Variants in SMYD3 observed in about 807,000 individuals in gnomAD.
SMYD3 encodes SET and MYND domain containing 3, also known as histone-lysine N-methyltransferase SMYD3.
SMYD3 carries 36 observed loss-of-function variants against 57.7 expected under a neutral mutation model. The observed-to-expected ratio is 0.62, with a 90% CI of 0.48 to 0.82. SMYD3 has a LOEUF of 0.82. SMYD3 is among the 40% of genes least tolerant of loss of function. The pLI is 0.00. For missense variants in SMYD3, 515 were observed against 538.8 expected, an observed-to-expected ratio of 0.96 and a Z score of 0.44; for synonymous variants, 211 against 195.0, an observed-to-expected ratio of 1.08 and a Z score of -0.68.
chr1:245,840,434 C>A (rs1347919252), intron 10 of SMYD3, among the ~76,000 whole-genome samples: 1 of 151,970 alleles, frequency 6.6e-6, no homozygotes, highest in Non-Finnish European at 1.5e-5. Context: ...TATTCTAATT[C>A]TCCACCAAGA....
At chr1:246,452,488 G>C (rs1034877379) in intron 1 of SMYD3, among the ~76,000 whole-genome samples, 8 of 151,994 alleles carry the variant, frequency 5.3e-5, no homozygotes, top group Non-Finnish European at 1.2e-4. Context: ...CACAAACCAA[G>C]ACTCCGTTTC....
chr1:245,922,381 A>G (rs1396549966), intron 7 of SMYD3, among the ~76,000 whole-genome samples: 1 of 152,246 alleles, frequency 6.6e-6, no homozygotes, highest in African/African-American at 2.4e-5. Flanking sequence ...TGTTAATTTA[A>G]GAATGGAAAA....
At chr1:246,351,830 G>A (rs1322211245) in intron 2 of SMYD3, among the ~76,000 whole-genome samples, 1 of 152,146 alleles carries the variant, frequency 6.6e-6, no homozygotes, top group South Asian at 2.1e-4. Context: ...TCCTTGTATT[G>A]CTTATGTTTA....
chr1:245,834,810 G>A (rs2050024672), intron 10 of SMYD3, among the ~76,000 whole-genome samples: 1 of 152,126 alleles, frequency 6.6e-6, no homozygotes, highest in South Asian at 2.1e-4. Flanking sequence ...TTTAGGGTAT[G>A]GGGTTACATT....
chr1:246,184,122 T>C (rs1272527908), intron 5 of SMYD3, among the ~76,000 whole-genome samples: 1 of 152,132 alleles, frequency 6.6e-6, no homozygotes. Context: ...AGTATTCCCA[T>C]GAGCACCAAA....
At chr1:245,979,989 C>G (rs1344693473) in intron 5 of SMYD3, among the ~76,000 whole-genome samples, 1 of 152,242 alleles carries the variant, frequency 6.6e-6, no homozygotes, top group Non-Finnish European at 1.5e-5. Flanking sequence ...TAGTGGACAT[C>G]GCACGCTAGC....
intron 5 of SMYD3, among the ~76,000 whole-genome samples, chr1:245,959,020 G>A (rs1224433231): frequency 1.3e-5 from 2 of 152,100 alleles, no homozygotes; most frequent in East Asian, 1.9e-4. Flanking sequence ...CGATTTTCAC[G>A]TCTCAGCCTC....
intron 5 of SMYD3, among the ~76,000 whole-genome samples, chr1:245,947,076 T>C (rs752902522): frequency 1.3e-5 from 2 of 152,166 alleles, no homozygotes; most frequent in Non-Finnish European, 2.9e-5. Context: ...TACTGTCAGA[T>C]CGTCCACAGG....
At chr1:245,762,506 G>GT (rs1430234658) in intron 11 of SMYD3, among the ~76,000 whole-genome samples, 2 of 152,170 alleles carry the variant, frequency 1.3e-5, no homozygotes, top group Non-Finnish European at 1.5e-5. Context: ...TGGCTGACAA[G>GT]TACCCCCAGA....
intron 5 of SMYD3, among the ~76,000 whole-genome samples, chr1:246,085,376 A>G (rs1267511246): frequency 1.3e-5 from 2 of 151,870 alleles, no homozygotes; most frequent in Admixed American, 6.5e-5. Flanking sequence ...GGCATATTAG[A>G]TATTTTAAGC....
At chr1:246,439,169 C>T (rs867106007) in intron 1 of SMYD3, among the ~76,000 whole-genome samples, 1 of 151,392 alleles carries the variant, frequency 6.6e-6, no homozygotes, top group South Asian at 2.1e-4. Flanking sequence ...GCTATGTTGC[C>T]CAGGCTGGCC....
intron 5 of SMYD3, among the ~76,000 whole-genome samples, chr1:246,059,176 C>T (rs1452527392): frequency 6.6e-6 from 1 of 152,090 alleles, no homozygotes; most frequent in Non-Finnish European, 1.5e-5. Flanking sequence ...GCACCCGGCC[C>T]ACAACTCCAC....
intron 1 of SMYD3, among the ~76,000 whole-genome samples, chr1:246,460,117 T>C (rs1156857156): frequency 6.6e-6 from 1 of 152,214 alleles, no homozygotes; most frequent in African/African-American, 2.4e-5. Flanking sequence ...CTAACACTGG[T>C]TTCTATTTCC....
intron 5 of SMYD3, among the ~76,000 whole-genome samples, chr1:246,278,156 A>G (rs761322844): frequency 6.6e-6 from 1 of 152,052 alleles, no homozygotes; most frequent in Admixed American, 6.5e-5. Context: ...GAGGCCCACA[A>G]GTGCTGTGAA....
intron 10 of SMYD3, among the ~76,000 whole-genome samples, chr1:245,854,695 G>C (rs1158196809): frequency 1.3e-5 from 2 of 151,938 alleles, no homozygotes; most frequent in Middle Eastern, 3.4e-3. Context: ...ACCTCAGCAG[G>C]CATATTTAAA....
chr1:245,960,758 A>T (rs1012662480), intron 5 of SMYD3, among the ~76,000 whole-genome samples: 1 of 150,192 alleles, frequency 6.7e-6, no homozygotes, highest in African/African-American at 2.5e-5. Flanking sequence ...TAAATGGCAT[A>T]AATTAGCCTT....
intron 5 of SMYD3, among the ~76,000 whole-genome samples, chr1:245,963,185 T>G (rs983598824): frequency 9.9e-5 from 15 of 152,280 alleles, no homozygotes; most frequent in African/African-American, 3.4e-4. Flanking sequence ...CTAGATATAT[T>G]AGCTTAATTT....
intron 1 of SMYD3, among the ~76,000 whole-genome samples, chr1:246,395,620 GGACAGGGAAGACGAACACACCACAGTCA>G (rs1558442767): frequency 8.0e-4 from 23 of 28,670 alleles, no homozygotes; most frequent in East Asian, 6.6e-3. Flanking sequence ...CACCATGGCT[GGACAGGGAAGACGAACACACCACAGTCA>G]GACAGGGAAG....
chr1:246,340,253 C>T (rs1405122390), intron 2 of SMYD3, among the ~76,000 whole-genome samples: 1 of 149,128 alleles, frequency 6.7e-6, no homozygotes, highest in African/African-American at 2.4e-5. Context: ...AATTACATAA[C>T]AATAAAGAAT....
Sources: gnomAD v4.1 joint callset for allele counts (sites outside exome capture counted in the v4.1 genomes callset) on GRCh38, gnomAD v4.1.1 for gene constraint, MANE v1.5 for transcripts, NCBI Gene and HGNC (gene_info 2026-07-23, HGNC 2026-07-21) for gene names.